The following RIPOR1 variants were observed in gnomAD, a reference collection of about 807,000 sequenced individuals.
RIPOR1 encodes the protein RHO family interacting cell polarization regulator 1.
A neutral mutation model predicts 116.5 loss-of-function variants in RIPOR1; 58 were observed. The ratio of observed to expected loss-of-function variants is 0.50; its 90% CI spans 0.40 to 0.62. The LOEUF (loss-of-function observed/expected upper bound fraction) is 0.62. RIPOR1 is among the 20% of genes least tolerant of loss of function. The probability of loss-of-function intolerance (pLI) is 0.00; values close to 1 mark genes in which losing one functional copy is unlikely to be tolerated. For missense variants in RIPOR1, 1,372 were observed against 1,586.2 expected (o/e 0.86, Z 2.29); for synonymous variants, 605 against 650.0 (o/e 0.93, Z 1.05).
Position 67,538,485 on chromosome 16 carries a change from C to T in RIPOR1, c.39C>T (p.Leu13=). 1 of 1,611,398 alleles carries T rather than the reference C, an allele frequency of 6.2e-7. No homozygotes were observed. The highest frequency in any genetic ancestry group is 8.5e-7 in the Non-Finnish European group (1 of 1,179,214). ...CGGTGCGGCCGCAGCGCCGTCTGCT[C>T]AGCGCCCGGGTCAATAGGAGCCAGT... ...SLSVRPQRRL[L]SARVNRSQSF... Residue 13 remains leucine, a synonymous_variant, in exon 2 of 22, where the codon CTC becomes CTT. Coordinates refer to ENST00000042381, the MANE Select transcript of RIPOR1 (RefSeq NM_024519.4).
At chr16:67,520,630 G>A (rs762570299) in intron 1 of RIPOR1, among the ~76,000 whole-genome samples, 17 of 151,656 alleles carry the variant, frequency 1.1e-4, no homozygotes, top group Admixed American at 8.5e-4. Flanking sequence ...GTGAAACCCC[G>A]TCTCTACTAA....
At position 67,546,649 on chromosome 16, in the gene RIPOR1, A is replaced by T; in HGVS notation, c.*186A>T. 1.7e-6 allele frequency: 1 copy of T among 597,044 alleles called. No homozygotes were observed. The highest frequency in any genetic ancestry group is 2.0e-5 in the South Asian group (1 of 49,866). The allele number at this position is 597,044 out of a possible 1,614,324, so 37.0% of individuals were successfully genotyped here. A position where few individuals can be genotyped will look rare whatever the true frequency, so the allele number is the denominator to read the frequency against. ...CAGTGCCTGCAGTCAAGTGCCTCCC[A>T]GCCTCGGCTCAGCACATCCCTTGCC... On this transcript the variant is annotated 3_prime_UTR_variant, in exon 22 of 22. Transcript: ENST00000042381.
chr16:67,533,720 C>A (rs2050720393), intron 1 of RIPOR1, among the ~76,000 whole-genome samples: 1 of 151,294 alleles, frequency 6.6e-6, no homozygotes, highest in Non-Finnish European at 1.5e-5. Flanking sequence ...GACATCTCTT[C>A]AAGACACTTG....
chr16:67,520,576 G>A (rs2050487397), intron 1 of RIPOR1, among the ~76,000 whole-genome samples: 1 of 151,992 alleles, frequency 6.6e-6, no homozygotes. Context: ...GCCGAGGCAG[G>A]CAGATCATTA....
chr16:67,524,314 G>C (rs2050522790), upstream of RIPOR1, among the ~76,000 whole-genome samples: 1 of 152,290 alleles, frequency 6.6e-6, no homozygotes, highest in Non-Finnish European at 1.5e-5. Flanking sequence ...GGCTGGAGGG[G>C]TGTGGAGGCT....
chr16:67,522,937 C>G (rs1275235949), intron 1 of RIPOR1, among the ~76,000 whole-genome samples: 2 of 152,302 alleles, frequency 1.3e-5, no homozygotes, highest in East Asian at 3.9e-4. Context: ...CTGACGAAAG[C>G]AGCCCCTCAG....
chr16:67,540,287 C>T lies in RIPOR1; in HGVS notation c.568-13C>T. On this transcript the variant is annotated splice_polypyrimidine_tract_variant and intron_variant, in intron 7 of 21. Coordinates refer to ENST00000042381, the MANE Select transcript of RIPOR1 (RefSeq NM_024519.4). The surrounding 1 kb of genome is among the most constrained non-coding windows in gnomAD (Gnocchi z 4.7). Reference sequence around the variant, plus strand: ...GCCCTTGACCCCCTCCTGTCCCTGCCCCTCCCTCCCAGAGCATGTGTCTGC... The same window carrying T: ...GCCCTTGACCCCCTCCTGTCCCTGCTCCTCCCTCCCAGAGCATGTGTCTGC... The T allele has an allele frequency of 3.7e-6, 6 of 1,613,970 alleles. No homozygotes were observed. The highest frequency in any genetic ancestry group is 5.1e-6 in the Non-Finnish European group (6 of 1,179,944).
Position 67,540,613 on chromosome 16 carries a change from T to G in RIPOR1, c.710T>G (p.Leu237Arg). ...AAATATGGGCGTCAGCGCTGGAAACTACGGGGCCGAATTGAGGGTAGTGGA... is the reference window on the plus strand; with the variant it reads ...AAATATGGGCGTCAGCGCTGGAAACGACGGGGCCGAATTGAGGGTAGTGGA... Reference protein sequence around the residue: ...CMKYGRQRWKLRGRIEGSGKQ... With the variant: ...CMKYGRQRWKRRGRIEGSGKQ... The change falls in exon 10 of 22, where the codon CTA (leucine) becomes CGA (arginine). Residue 237 changes from leucine (L) to arginine (R), a missense_variant. Around this residue, in one of 3 missense-constraint regions of RIPOR1, gnomAD observed 202 missense variants for 295.9 expected, o/e 0.68. Coordinates refer to ENST00000042381, the MANE Select transcript of RIPOR1 (RefSeq NM_024519.4). The surrounding 1 kb of genome is among the most constrained non-coding windows in gnomAD (Gnocchi z 4.7). 6.2e-7 allele frequency: 1 copy of G among 1,613,974 alleles called. No individual in the cohort carries two copies. Among genetic ancestry groups the G allele is most frequent in the Non-Finnish European group, 8.5e-7 (1 of 1,179,924 alleles).
rs767541942 is a variant in RIPOR1 at position 67,538,730 on chromosome 16, G to C, written c.163G>C (p.Val55Leu). Residue 55 changes from valine to leucine, a missense_variant, in exon 3 of 22, where the codon GTG becomes CTG. By Grantham distance (32) the Val-to-Leu change is conservative. Around this residue, in one of 3 missense-constraint regions of RIPOR1, gnomAD observed 165 missense variants for 145.5 expected, o/e 1.13. Transcript: ENST00000042381. ...PPRKPPALSR[V>L]SRMFSVAHPA... The stretch of plus-strand genomic sequence containing the variant: ...ACGGAAGCCCCCCGCGCTCTCCCGA[G>C]TGTCCAGGATGTTTTCCGTGGCTCA... 1 of 1,613,450 alleles carries C rather than the reference G, an allele frequency of 6.2e-7. No homozygotes were observed. The highest frequency in any genetic ancestry group is 1.3e-5 in the African/African-American group (1 of 75,052).
chr16:67,521,933 T>C (rs1458483071), intron 1 of RIPOR1, among the ~76,000 whole-genome samples: 1 of 152,206 alleles, frequency 6.6e-6, no homozygotes, highest in Non-Finnish European at 1.5e-5. Context: ...ATGACGGGCA[T>C]TGTGGCTCTC....
In RIPOR1 at chr16:67,546,544, G is replaced by A. The variant is rs745919647; in HGVS notation, c.*81G>A. 6 of 1,087,080 alleles carry A rather than the reference G, an allele frequency of 5.5e-6. No individual in the cohort carries two copies. Among genetic ancestry groups the A allele is most frequent in the Non-Finnish European group, 8.3e-6 (6 of 723,340 alleles). 67.3% of individuals were successfully genotyped at this position (1,087,080 alleles called of 1,614,324 possible). A position where few individuals can be genotyped will look rare whatever the true frequency, so the allele number is the denominator to read the frequency against. ...GGCACTGGCAGGGAGGGTAAGGGCTGGCTCCAGATACCCCTCCCCCACAGA... is the reference window on the plus strand; with the variant it reads ...GGCACTGGCAGGGAGGGTAAGGGCTAGCTCCAGATACCCCTCCCCCACAGA... On this transcript the variant is annotated 3_prime_UTR_variant, in exon 22 of 22. Transcript: ENST00000042381.
In RIPOR1 at chr16:67,540,218, G is replaced by A; in HGVS notation, c.567+13G>A. On this transcript the variant is annotated intron_variant, in intron 7 of 21. Transcript: ENST00000042381. This position sits in a 1 kb window ranked among gnomAD's most constrained non-coding sequence, Gnocchi z 4.7. ...CGAGTACACGGAGGTGAGGGATGGGGGCCCATGAGGCAGAGGCACAGGGTG... is the reference window on the plus strand; with the variant it reads ...CGAGTACACGGAGGTGAGGGATGGGAGCCCATGAGGCAGAGGCACAGGGTG... 1 of 1,613,916 alleles carries A rather than the reference G, an allele frequency of 6.2e-7. No individual in the cohort carries two copies. The highest frequency in any genetic ancestry group is 8.5e-7 in the Non-Finnish European group (1 of 1,179,916).
At position 67,529,547 on chromosome 16, in the gene RIPOR1, C is replaced by T. The variant is rs1363632464; in HGVS notation, c.-24+633C>T. 4 of 483,070 alleles carry T rather than the reference C, an allele frequency of 8.3e-6. No individual in the cohort carries two copies. Among genetic ancestry groups the T allele is most frequent in the Non-Finnish European group, 1.1e-5 (3 of 271,750 alleles). The allele number at this position is 483,070 out of a possible 1,614,324, so 29.9% of individuals were successfully genotyped here. On this transcript the variant is annotated intron_variant, in intron 1 of 21. Transcript: ENST00000042381. The surrounding 1 kb of genome is among the most constrained non-coding windows in gnomAD (Gnocchi z 4.1). ...TTCCTGCAACAGCCGGGCCTGGGCT[C>T]TCTGCAGAACTGGTTTGGGCAAGGG...
upstream of RIPOR1, among the ~76,000 whole-genome samples, chr16:67,523,824 T>G (rs1339630322): frequency 6.6e-6 from 1 of 151,934 alleles, no homozygotes; most frequent in East Asian, 2.0e-4. Context: ...ATTACAGGCA[T>G]GCGCCACCAT....
At chr16:67,526,958 C>G (rs1275066187), upstream of RIPOR1, among the ~76,000 whole-genome samples, 1 of 152,180 alleles carries the variant, frequency 6.6e-6, no homozygotes, top group Non-Finnish European at 1.5e-5. Flanking sequence ...GTGAGTCAAC[C>G]AGAAAGCAGC....
In RIPOR1 at chr16:67,544,779, G is replaced by A. The variant is rs546455518; in HGVS notation, c.2818G>A (p.Val940Ile). 3.1e-6 allele frequency: 5 copies of A among 1,605,024 alleles called. No homozygotes were observed. The Admixed American group carries it at 5.0e-5, about 16-fold the overall frequency. The change falls in exon 16 of 22, where the codon GTA (valine) becomes ATA (isoleucine). Residue 940 changes from valine to isoleucine, a missense_variant. Val to Ile is a conservative substitution (Grantham distance 29). Around this residue, in one of 3 missense-constraint regions of RIPOR1, gnomAD observed 1,005 missense variants for 1,144.7 expected, o/e 0.88. Coordinates refer to ENST00000042381, the MANE Select transcript of RIPOR1 (RefSeq NM_024519.4). The surrounding 1 kb of genome is among the most constrained non-coding windows in gnomAD (Gnocchi z 5.1). ...LLREARVLEA[V>I]CEFSRRWEIP... ...GCGGGAAGCCCGAGTACTGGAGGCA[G>A]TATGCGAGTTCAGCAGGCGGTGGGA...
In RIPOR1 at chr16:67,545,708, C is replaced by T. The variant is rs1255269302; in HGVS notation, c.3235C>T (p.Leu1079=). 1 of 1,591,210 alleles carries T rather than the reference C, an allele frequency of 6.3e-7. No homozygotes were observed. The highest frequency in any genetic ancestry group is 1.1e-5 in the South Asian group (1 of 87,050). ...NLNSDDQAVV[L]KALRLAPEGR... is the part of the protein sequence containing the mutation. ...GAACTCGGATGATCAGGCTGTTGTGCTGAAGGCCCTGAGATTGGCGCCCGA... is the reference window on the plus strand; with the variant it reads ...GAACTCGGATGATCAGGCTGTTGTGTTGAAGGCCCTGAGATTGGCGCCCGA... The change falls in exon 19 of 22, where the codon CTG becomes TTG. Residue 1079 remains leucine (L), a synonymous_variant. Coordinates refer to ENST00000042381, the MANE Select transcript of RIPOR1 (RefSeq NM_024519.4). This position sits in a 1 kb window ranked among gnomAD's most constrained non-coding sequence, Gnocchi z 4.8.
chr16:67,527,183 A>T (rs1156488667), upstream of RIPOR1, among the ~76,000 whole-genome samples: 1 of 151,498 alleles, frequency 6.6e-6, no homozygotes, highest in Non-Finnish European at 1.5e-5. Context: ...CAGCACTTTG[A>T]GAGGCCAAGG....
Position 67,531,044 on chromosome 16 carries a change from G to A in RIPOR1, c.-24+2130G>A, listed in dbSNP as rs1000708740. Among the ~76,000 whole-genome samples, 1 of 152,164 alleles carries A rather than the reference G, an allele frequency of 6.6e-6. No homozygotes were observed. Among genetic ancestry groups the A allele is most frequent in the Non-Finnish European group, 1.5e-5 (1 of 68,012 alleles). The stretch of plus-strand genomic sequence containing the variant: ...ATCCTAGTTCCTATGGGACTCGGGG[G>A]ATGGTGGCAGCAGAGGGCCAACCAG... On this transcript the variant is annotated intron_variant, in intron 1 of 21. Transcript: ENST00000042381. This position sits in a 1 kb window ranked among gnomAD's most constrained non-coding sequence, Gnocchi z 4.2.
Sources: allele counts gnomAD v4.1 joint callset (sites outside exome capture counted in the v4.1 genomes callset), GRCh38; gene constraint gnomAD v4.1.1; regional missense constraint gnomAD v4.1.1; non-coding constraint Gnocchi (gnomAD v3.1); transcripts MANE v1.5; gene names NCBI Gene and HGNC (gene_info 2026-07-23, HGNC 2026-07-21).